Variants in UHRF2 observed in about 807,000 individuals in gnomAD.
UHRF2 encodes the protein E3 ubiquitin-protein ligase UHRF2.
In UHRF2, 23 loss-of-function variants were observed where a neutral mutation model predicts 96.8. The observed-to-expected ratio is 0.24, with a 90% confidence interval of 0.17 to 0.34. The LOEUF (loss-of-function observed/expected upper bound fraction) is 0.34. UHRF2 is among the 10% of genes least tolerant of loss of function. The pLI, the probability that UHRF2 is intolerant of heterozygous loss-of-function variation, is 1.00. For missense variants in UHRF2, 685 were observed against 981.5 expected (o/e 0.70, Z 4.04); for synonymous variants, 385 against 332.6 (o/e 1.16, Z -1.72).
chr9:6,473,590 A>C (rs934182562), intron 4 of UHRF2, among the ~76,000 whole-genome samples: 15 of 152,346 alleles, frequency 9.8e-5, no homozygotes, highest in African/African-American at 3.1e-4. Flanking sequence ...TAGACCTATG[A>C]AATTATCTTA....
intron 8 of UHRF2, among the ~76,000 whole-genome samples, chr9:6,482,850 C>T (rs1025102601): frequency 1.3e-5 from 2 of 152,132 alleles, no homozygotes; most frequent in African/African-American, 4.8e-5. Flanking sequence ...CCTGCCTTGG[C>T]CTCCCATTAC....
intron 1 of UHRF2, among the ~76,000 whole-genome samples, chr9:6,416,071 G>C (rs1359497833): frequency 6.6e-6 from 1 of 151,850 alleles, no homozygotes; most frequent in Non-Finnish European, 1.5e-5. Context: ...TTTTGTTGTT[G>C]TTTTTGTTTT....
chr9:6,480,398 C>A (rs1823851265), intron 6 of UHRF2, among the ~76,000 whole-genome samples: 1 of 152,200 alleles, frequency 6.6e-6, no homozygotes, highest in African/African-American at 2.4e-5. Context: ...TAGTGCCTTG[C>A]ACATAGGAGG....
intron 5 of UHRF2, among the ~76,000 whole-genome samples, chr9:6,475,780 G>A (rs969023347): frequency 4.6e-5 from 7 of 152,054 alleles, no homozygotes; most frequent in African/African-American, 1.7e-4. Flanking sequence ...TATTTAAGGA[G>A]TATATGTGAT....
intron 9 of UHRF2, among the ~76,000 whole-genome samples, chr9:6,493,073 G>A (rs1824761351): frequency 6.6e-6 from 1 of 152,044 alleles, no homozygotes; most frequent in Non-Finnish European, 1.5e-5. Flanking sequence ...CAAGGCGGGT[G>A]GATCACTTGA....
intron 4 of UHRF2, among the ~76,000 whole-genome samples, chr9:6,467,993 T>C (rs1164483101): frequency 1.3e-5 from 2 of 152,214 alleles, no homozygotes; most frequent in Admixed American, 6.5e-5. Flanking sequence ...TCACAGTCTT[T>C]TTTTCTTACT....
chr9:6,436,572 A>G (rs1288259983), intron 3 of UHRF2, among the ~76,000 whole-genome samples: 1 of 152,234 alleles, frequency 6.6e-6, no homozygotes, highest in African/African-American at 2.4e-5. Context: ...TGTTTGGCAA[A>G]TAATATTATG....
At chr9:6,428,108 A>C (rs943515789) in intron 2 of UHRF2, among the ~76,000 whole-genome samples, 4 of 152,212 alleles carry the variant, frequency 2.6e-5, no homozygotes, top group African/African-American at 9.6e-5. Context: ...GCACTGTTAA[A>C]CTTCTTACAT....
At chr9:6,479,417 C>T (rs944962044) in intron 6 of UHRF2, among the ~76,000 whole-genome samples, 3 of 152,108 alleles carry the variant, frequency 2.0e-5, no homozygotes, top group African/African-American at 7.2e-5. Flanking sequence ...TTCTTAGTCT[C>T]TTGTTGGGTT....
intron 3 of UHRF2, among the ~76,000 whole-genome samples, chr9:6,437,510 G>A (rs1007388630): frequency 2.0e-5 from 3 of 152,194 alleles, no homozygotes; most frequent in African/African-American, 4.8e-5. Flanking sequence ...TGGGATTACA[G>A]GTATGAGTCA....
intron 3 of UHRF2, 196 bp downstream of exon 3, chr9:6,434,369 T>G: frequency 1.7e-6 from 1 of 591,048 alleles, no homozygotes; most frequent in Non-Finnish European, 2.8e-6. Context: ...GGTTCTTAAG[T>G]GGTTTATTTT....
At chr9:6,471,686 C>T (rs1823247665) in intron 4 of UHRF2, among the ~76,000 whole-genome samples, 1 of 152,124 alleles carries the variant, frequency 6.6e-6, no homozygotes, top group Admixed American at 6.6e-5. Context: ...GCCAGAACTA[C>T]CCAGCTAAGC....
chr9:6,424,776 A>AT (rs200890506), intron 2 of UHRF2, among the ~76,000 whole-genome samples: 95,686 of 135,000 alleles, frequency 0.71, 34,229 homozygotes, highest in South Asian at 0.82. Context: ...ATTTCTCAGG[A>AT]TTTTTTTTTT....
chr9:6,413,987 G>C lies in UHRF2; in HGVS notation c.153+344G>C, dbSNP rs1445320463. ...CTCGGCGGGGCCTGGGGCCCCCAGAGGGCGGGGAGGGCAGAGGGCTCTGGC... is the reference window on the plus strand; with the variant it reads ...CTCGGCGGGGCCTGGGGCCCCCAGACGGCGGGGAGGGCAGAGGGCTCTGGC... On this transcript the variant is annotated intron_variant, in intron 1 of 15. Coordinates refer to ENST00000276893, the MANE Select transcript of UHRF2 (RefSeq NM_152896.3). The C allele has an allele frequency of 3.7e-5, 7 of 188,248 alleles. No individual in the cohort carries two copies. The East Asian group carries it at 8.7e-4, about 23-fold the overall frequency. The allele number at this position is 188,248 out of a possible 1,614,324, so 11.7% of individuals were successfully genotyped here. A position where few individuals can be genotyped will look rare whatever the true frequency, so the allele number is the denominator to read the frequency against.
At chr9:6,483,075 C>G (rs535498548) in intron 8 of UHRF2, among the ~76,000 whole-genome samples, 3 of 152,226 alleles carry the variant, frequency 2.0e-5, no homozygotes, top group Admixed American at 2.0e-4. Context: ...CCTGTAATCT[C>G]AGCACTTTGG....
chr9:6,487,182 CTTTTT>C (rs1171978950), intron 9 of UHRF2, among the ~76,000 whole-genome samples: 11 of 69,584 alleles, frequency 1.6e-4, no homozygotes, highest in Admixed American at 1.2e-3. Flanking sequence ...TTTTTTTTTC[CTTTTT>C]TTTTTTTTTT....
chr9:6,445,268 T>TATTG (rs112260837), intron 3 of UHRF2, among the ~76,000 whole-genome samples: 9 of 152,094 alleles, frequency 5.9e-5, no homozygotes, highest in Non-Finnish European at 1.3e-4. Context: ...GTTATTTATG[T>TATTG]ATTGATTGAT....
chr9:6,455,866 C>G (rs1332394801), intron 3 of UHRF2, among the ~76,000 whole-genome samples: 1 of 152,114 alleles, frequency 6.6e-6, no homozygotes, highest in Non-Finnish European at 1.5e-5. Context: ...CGTCTGTAGC[C>G]CCCGCTTCTT....
At chr9:6,442,137 G>T (rs1342007557) in intron 3 of UHRF2, among the ~76,000 whole-genome samples, 2 of 152,042 alleles carry the variant, frequency 1.3e-5, no homozygotes, top group African/African-American at 2.4e-5. Context: ...GCTAGTTTTG[G>T]TGTTTTTAAT....
Sources: gnomAD v4.1 joint callset for allele counts (sites outside exome capture counted in the v4.1 genomes callset) on GRCh38, gnomAD v4.1.1 for gene constraint, MANE v1.5 for transcripts, NCBI Gene and HGNC (gene_info 2026-07-23, HGNC 2026-07-21) for gene names.